MAP2K1: variants seen among roughly 807,000 people sequenced by gnomAD.
The protein encoded by MAP2K1 is mitogen-activated protein kinase kinase 1, also known as dual specificity mitogen-activated protein kinase kinase 1.
A neutral mutation model predicts 46.3 loss-of-function variants in MAP2K1; 16 were observed. The observed-to-expected ratio is 0.35, with a 90% CI of 0.23 to 0.52. The LOEUF (loss-of-function observed/expected upper bound fraction) is 0.52, where lower values mean the gene tolerates loss of function less well. Ranked by LOEUF, MAP2K1 falls within the 20% of genes least tolerant of loss-of-function variation. The probability of loss-of-function intolerance (pLI) is 0.94; values close to 1 mark genes in which losing one functional copy is unlikely to be tolerated. For synonymous variants in MAP2K1, 183 were observed against 185.6 expected (o/e 0.99, Z 0.11); for missense variants, 263 against 497.1 (o/e 0.53, Z 4.48).
intron 3 of MAP2K1, among the ~76,000 whole-genome samples, chr15:66,440,846 G>A (rs546470845): frequency 1.3e-5 from 2 of 152,284 alleles, no homozygotes; most frequent in South Asian, 4.1e-4. Flanking sequence ...CAACCCTGGG[G>A]AATCCTGACT....
At chr15:66,480,677 T>G (rs1350265192) in intron 5 of MAP2K1, among the ~76,000 whole-genome samples, 1 of 152,210 alleles carries the variant, frequency 6.6e-6, no homozygotes, top group Non-Finnish European at 1.5e-5. Context: ...TTGGGTTTTT[T>G]CTGTGATTTT....
At position 66,412,361 on chromosome 15, in the gene MAP2K1, C is replaced by T. The variant is rs567668097; in HGVS notation, c.81-22666C>T. ...TGGTTCTTTGACCAGGTAATGAAAA[C>T]GTTAAGCATCTAAAAACGAAGTCTT... On this transcript the variant is annotated intron_variant, in intron 1 of 10. Transcript: ENST00000307102. 1.8e-4 allele frequency among the ~76,000 whole-genome samples: 27 copies of T among 152,218 alleles called. 1 individual carries two copies. The highest frequency in any genetic ancestry group is 1.0e-3 in the South Asian group (5 of 4,826).
chr15:66,424,997 T>C (rs1162131586), intron 1 of MAP2K1, among the ~76,000 whole-genome samples: 1 of 151,910 alleles, frequency 6.6e-6, no homozygotes, highest in Non-Finnish European at 1.5e-5. Flanking sequence ...GGTTTCTCCA[T>C]GTTCGTCAGG....
chr15:66,469,721 C>CACACACACACAT (rs1567021045), intron 5 of MAP2K1, among the ~76,000 whole-genome samples: 1 of 144,622 alleles, frequency 6.9e-6, no homozygotes, highest in African/African-American at 2.5e-5. Context: ...CACACACACA[C>CACACACACACAT]ACATATCGGA....
chr15:66,416,990 C>A (rs2093426123), intron 1 of MAP2K1, among the ~76,000 whole-genome samples: 1 of 152,158 alleles, frequency 6.6e-6, no homozygotes, highest in Non-Finnish European at 1.5e-5. Context: ...CTGTTCAGGG[C>A]TGCTTCTGCC....
chr15:66,490,100 C>G lies in MAP2K1; in HGVS notation c.1068+337C>G, dbSNP rs992830999. 5.7e-6 allele frequency: 3 copies of G among 530,334 alleles called. No individual in the cohort carries two copies. In the African/African-American group the frequency reaches 5.7e-5, roughly 10 times the overall value. 32.9% of individuals were successfully genotyped at this position (530,334 alleles called of 1,614,324 possible). A position where few individuals can be genotyped will look rare whatever the true frequency, so the allele number is the denominator to read the frequency against. On this transcript the variant is annotated intron_variant, in intron 10 of 10. Transcript: ENST00000307102. ...CATTCAGCCTCCTTCCAGAGTCACT[C>G]TCCGCCTGCTGTCTCGTTTGGTGGC...
At chr15:66,426,490 A>G (rs1409219903) in intron 1 of MAP2K1, among the ~76,000 whole-genome samples, 1 of 152,216 alleles carries the variant, frequency 6.6e-6, no homozygotes, top group East Asian at 1.9e-4. Flanking sequence ...ATGAAAACCT[A>G]GTTCTTCAGT....
At chr15:66,439,935 CAA>C (rs36081187) in intron 3 of MAP2K1, among the ~76,000 whole-genome samples, 23 of 115,774 alleles carry the variant, frequency 2.0e-4, no homozygotes, top group Middle Eastern at 5.0e-3. Flanking sequence ...AACTCCATCT[CAA>C]AAAAAAAAAA....
chr15:66,460,517 A>G (rs1013005533), intron 5 of MAP2K1, among the ~76,000 whole-genome samples: 1 of 152,218 alleles, frequency 6.6e-6, no homozygotes, highest in Non-Finnish European at 1.5e-5. Flanking sequence ...CAAGTTGTCT[A>G]CAACAAAGGG....
intron 5 of MAP2K1, among the ~76,000 whole-genome samples, chr15:66,461,688 G>A (rs903002033): frequency 3.9e-5 from 6 of 151,958 alleles, no homozygotes; most frequent in African/African-American, 1.2e-4. Flanking sequence ...TGTGAAGTGC[G>A]TGCAGGGCTG....
intron 5 of MAP2K1, among the ~76,000 whole-genome samples, chr15:66,464,932 G>A (rs537612215): frequency 5.9e-5 from 9 of 151,792 alleles, no homozygotes; most frequent in African/African-American, 2.2e-4. Context: ...AATCTAACAG[G>A]TGTACTATAG....
chr15:66,491,354 A>G lies in MAP2K1; in HGVS notation c.*739A>G, dbSNP rs1422472995. Reference sequence around the variant, plus strand: ...AAATGGAATTATTTTGAATGTCACAAATTGATCAAGATATTAAAATGTCGG... The same window carrying G: ...AAATGGAATTATTTTGAATGTCACAGATTGATCAAGATATTAAAATGTCGG... On this transcript the variant is annotated 3_prime_UTR_variant, in exon 11 of 11. Coordinates refer to ENST00000307102, the MANE Select transcript of MAP2K1 (RefSeq NM_002755.4). 2.6e-5 allele frequency: 6 copies of G among 233,328 alleles called. No homozygotes were observed. Among genetic ancestry groups the G allele is most frequent in the African/African-American group, 1.1e-4 (5 of 45,232 alleles). 14.5% of individuals were successfully genotyped at this position (233,328 alleles called of 1,614,324 possible).
chr15:66,490,160 G>C (rs1595889132), intron 10 of MAP2K1: 1 of 508,428 alleles, frequency 2.0e-6, no homozygotes, highest in East Asian at 3.6e-5. Flanking sequence ...TAAATATCTG[G>C]ACAGCCATAG....
chr15:66,408,794 G>C (rs753230640), intron 1 of MAP2K1, among the ~76,000 whole-genome samples: 2 of 152,006 alleles, frequency 1.3e-5, no homozygotes, highest in Admixed American at 1.3e-4. Context: ...TTCATCTTAC[G>C]TCAAAGCTCA....
At chr15:66,459,279 C>G (rs962215622) in intron 5 of MAP2K1, among the ~76,000 whole-genome samples, 2 of 136,482 alleles carry the variant, frequency 1.5e-5, no homozygotes, top group Non-Finnish European at 3.1e-5. Context: ...CCACTGCACT[C>G]CAGCTTGGCA....
intron 5 of MAP2K1, 110 bp downstream of exon 5, chr15:66,444,817 A>G (rs536685476): frequency 2.2e-6 from 2 of 900,844 alleles, no homozygotes; most frequent in East Asian, 2.4e-5. Flanking sequence ...TTTTAATAAC[A>G]TGTTAAATCT....
At chr15:66,464,182 G>T (rs1178972451) in intron 5 of MAP2K1, among the ~76,000 whole-genome samples, 1 of 152,048 alleles carries the variant, frequency 6.6e-6, no homozygotes, top group Non-Finnish European at 1.5e-5. Flanking sequence ...CGGATCTCTC[G>T]CGGCTAGGAC....
At chr15:66,458,403 A>G (rs1892226642) in intron 5 of MAP2K1, among the ~76,000 whole-genome samples, 1 of 152,256 alleles carries the variant, frequency 6.6e-6, no homozygotes, top group Non-Finnish European at 1.5e-5. Flanking sequence ...ATAAATGTTA[A>G]CAACAGTTTT....
rs1395172526 is a variant in MAP2K1, at chr15:66,437,036, CTG to C, written c.438+146_438+147del. On this transcript the variant is annotated intron_variant, in intron 3 of 10. Coordinates refer to ENST00000307102, the MANE Select transcript of MAP2K1 (RefSeq NM_002755.4). ...TATCTGGGGCATCTGGGAAGTCTAA[CTG>C]TAGAGCTTGGGATATTCACAAGATG... 6 of 888,066 alleles carry C rather than the reference CTG, an allele frequency of 6.8e-6. No homozygotes were observed. In the African/African-American group the frequency reaches 9.8e-5, roughly 15 times the overall value. 55.0% of individuals were successfully genotyped at this position (888,066 alleles called of 1,614,324 possible). A position where few individuals can be genotyped will look rare whatever the true frequency, so the allele number is the denominator to read the frequency against.
Sources: gnomAD v4.1 joint callset for allele counts (sites outside exome capture counted in the v4.1 genomes callset) on GRCh38, gnomAD v4.1.1 for gene constraint, MANE v1.5 for transcripts, NCBI Gene and HGNC (gene_info 2026-07-23, HGNC 2026-07-21) for gene names.